ADAM10: variants seen among roughly 807,000 people sequenced by gnomAD.
ADAM10 encodes the protein ADAM metallopeptidase domain 10.
A neutral mutation model predicts 90.1 loss-of-function variants in ADAM10; 17 were observed. That is an observed-to-expected ratio of 0.19 (90% CI 0.13 to 0.28). The LOEUF (loss-of-function observed/expected upper bound fraction) is 0.28. Ranked by LOEUF, ADAM10 falls within the 10% of genes least tolerant of loss-of-function variation. The pLI, the probability that ADAM10 is intolerant of heterozygous loss-of-function variation, is 1.00. For synonymous variants in ADAM10, 310 were observed against 298.6 expected (o/e 1.04, Z -0.40); for missense variants, 610 against 914.3 (o/e 0.67, Z 4.29).
intron 1 of ADAM10, among the ~76,000 whole-genome samples, chr15:58,745,558 A>G (rs1899764309): frequency 6.6e-6 from 1 of 152,238 alleles, no homozygotes. Context: ...CTGAATAAAA[A>G]GTATTGTGTA....
chr15:58,693,190 G>A (rs1649885586), intron 2 of ADAM10: 1 of 704,252 alleles, frequency 1.4e-6, no homozygotes, highest in Non-Finnish European at 2.7e-6. Context: ...GTACACCTCT[G>A]CAGGCATCTT....
chr15:58,623,481 C>T (rs561775202), intron 10 of ADAM10, among the ~76,000 whole-genome samples: 1 of 152,328 alleles, frequency 6.6e-6, no homozygotes, highest in Non-Finnish European at 1.5e-5. Flanking sequence ...AGCTTCATCC[C>T]TGTTTCACTT....
intron 8 of ADAM10, among the ~76,000 whole-genome samples, chr15:58,636,573 T>G (rs1416714574): frequency 6.6e-6 from 1 of 152,046 alleles, no homozygotes; most frequent in South Asian, 2.1e-4. Context: ...ATGAGAAGGG[T>G]GAAACGTTTT....
rs78840742 is a variant in ADAM10 at position 58,627,658 on chromosome 15, T to C, written c.1360+42A>G. 2.7e-3 allele frequency: 4,193 copies of C among 1,564,470 alleles called. 102 individuals carry two copies. In the African/African-American group the frequency reaches 0.047, roughly 18 times the overall value. On this transcript the variant is annotated intron_variant, in intron 10 of 15. Coordinates refer to ENST00000260408, the MANE Select transcript of ADAM10 (RefSeq NM_001110.4). The stretch of plus-strand genomic sequence containing the variant: ...AGAATTCTTTCAAGTTGTCTGAATG[T>C]TTGAAAATGTTCATAACAAAACGTT...
chr15:58,692,073 C>A, intron 2 of ADAM10: 1 of 475,432 alleles, frequency 2.1e-6, no homozygotes. Context: ...TAAGAGTCAA[C>A]CATACCACGG....
At chr15:58,692,590 T>G (rs1170824821) in intron 2 of ADAM10, 1 of 555,698 alleles carries the variant, frequency 1.8e-6, no homozygotes, top group Non-Finnish European at 3.6e-6. Flanking sequence ...CTGAGGGTGC[T>G]TCTTCACTAC....
chr15:58,678,752 C>G (rs1419668731), intron 4 of ADAM10, among the ~76,000 whole-genome samples: 1 of 152,174 alleles, frequency 6.6e-6, no homozygotes, highest in East Asian at 1.9e-4. Flanking sequence ...AATATCCACA[C>G]TGAAATTTAT....
At chr15:58,663,844 T>C (rs1943403692) in intron 5 of ADAM10, among the ~76,000 whole-genome samples, 1 of 152,120 alleles carries the variant, frequency 6.6e-6, no homozygotes, top group Admixed American at 6.5e-5. Context: ...ATTATATTTC[T>C]GGTAGTCTAC....
chr15:58,657,891 T>TTG (rs1896869355), intron 5 of ADAM10, among the ~76,000 whole-genome samples: 1 of 151,600 alleles, frequency 6.6e-6, no homozygotes, highest in African/African-American at 2.4e-5. Flanking sequence ...GGTTTGTGTT[T>TTG]TTTTTTTTTT....
chr15:58,722,380 T>A (rs1340450638), intron 1 of ADAM10, among the ~76,000 whole-genome samples: 2 of 150,264 alleles, frequency 1.3e-5, no homozygotes, highest in Non-Finnish European at 1.5e-5. Context: ...AAATAAATAA[T>A]ACAAAAAAAC....
Position 58,673,096 on chromosome 15 carries a change from C to G in ADAM10, c.484+6028G>C, listed in dbSNP as rs141352592. Among the ~76,000 whole-genome samples the G allele has an allele frequency of 2.0e-3, 303 of 152,182 alleles. 1 individual carries two copies. Among genetic ancestry groups the G allele is most frequent in the African/African-American group, 6.8e-3 (283 of 41,526 alleles). On this transcript the variant is annotated intron_variant, in intron 4 of 15. Transcript: ENST00000260408. ...CACTATCAAATGTGTCTCTAGATAG[C>G]CCATCCTTGACAGTCAGTTGATGAG...
intron 11 of ADAM10, among the ~76,000 whole-genome samples, chr15:58,615,276 G>GAAAAAAAAAAAAAAAAAAAAACAAAAAA (rs1895574982): frequency 1.2e-5 from 1 of 84,786 alleles, no homozygotes; most frequent in Non-Finnish European, 2.4e-5. Flanking sequence ...TCCGTCTGAA[G>GAAAAAAAAAAAAAAAAAAAAACAAAAAA]AAAAAAAAAA....
chr15:58,637,557 G>A (rs142931559), intron 8 of ADAM10, among the ~76,000 whole-genome samples: 5 of 152,184 alleles, frequency 3.3e-5, no homozygotes, highest in Admixed American at 6.5e-5. Context: ...AAATATTATA[G>A]CTTAGTATGA....
Position 58,593,149 on chromosome 15 carries a change from A to ATAT in ADAM10, c.*4397_*4398insATA, listed in dbSNP as rs1566960154. The ATAT allele has an allele frequency of 1.5e-5, 1 of 68,402 alleles. No individual in the cohort carries two copies. The highest frequency in any genetic ancestry group is 5.6e-5 in the African/African-American group (1 of 17,924). The allele number at this position is 68,402 out of a possible 1,614,324, so 4.2% of individuals were successfully genotyped here. On this transcript the variant is annotated 3_prime_UTR_variant, in exon 16 of 16. Coordinates refer to ENST00000260408, the MANE Select transcript of ADAM10 (RefSeq NM_001110.4). ...AAAGTAACAAAGGCCAGGTACTCAA[A>ATAT]TTTTTTTTTTTTTTTTTTTTTTTTT...
intron 5 of ADAM10, among the ~76,000 whole-genome samples, chr15:58,651,725 G>C (rs557990940): frequency 1.3e-5 from 2 of 152,272 alleles, no homozygotes; most frequent in African/African-American, 2.4e-5. Context: ...AAACATGGGA[G>C]TGCAGCTATC....
Position 58,597,318 on chromosome 15 carries a change from C to A in ADAM10, c.*229G>T. The A allele has an allele frequency of 7.0e-7, 1 of 1,421,194 alleles. No individual in the cohort carries two copies. The highest frequency in any genetic ancestry group is 9.5e-7 in the Non-Finnish European group (1 of 1,052,834). 88.0% of individuals were successfully genotyped at this position (1,421,194 alleles called of 1,614,324 possible). A position where few individuals can be genotyped will look rare whatever the true frequency, so the allele number is the denominator to read the frequency against. On this transcript the variant is annotated 3_prime_UTR_variant, in exon 16 of 16. Transcript: ENST00000260408. The stretch of plus-strand genomic sequence containing the variant: ...CTTTGTGCCATTAAGTTAAAAATAT[C>A]TGTTCATAAGAAAATTGGGTTCCTT...
chr15:58,679,574 A>G (rs1897372818), intron 3 of ADAM10, among the ~76,000 whole-genome samples: 1 of 152,176 alleles, frequency 6.6e-6, no homozygotes, highest in Non-Finnish European at 1.5e-5. Context: ...CCTTGCACCT[A>G]GCTGAGTGCC....
intron 2 of ADAM10, among the ~76,000 whole-genome samples, chr15:58,701,166 T>C (rs1330303370): frequency 6.6e-6 from 1 of 151,982 alleles, no homozygotes; most frequent in Non-Finnish European, 1.5e-5. Flanking sequence ...AATAGCCTGT[T>C]GAATAGAAGA....
At chr15:58,698,187 A>T in intron 2 of ADAM10, 1 of 359,808 alleles carries the variant, frequency 2.8e-6, no homozygotes. Context: ...CAGAAAAAGA[A>T]TTCAAAATAA....
Sources: allele counts gnomAD v4.1 joint callset (sites outside exome capture counted in the v4.1 genomes callset), GRCh38; gene constraint gnomAD v4.1.1; transcripts MANE v1.5; gene names NCBI Gene and HGNC (gene_info 2026-07-23, HGNC 2026-07-21).